The following MTHFD1L variants were observed in gnomAD, a reference collection of about 807,000 sequenced individuals.
The protein encoded by MTHFD1L is methylenetetrahydrofolate dehydrogenase (NADP+ dependent) 1 like.
Under a neutral mutation model 119.5 loss-of-function variants are expected in MTHFD1L, and 81 were observed. The observed-to-expected ratio is 0.68, with a 90% CI of 0.57 to 0.82. The LOEUF is 0.82. Ranked by LOEUF, MTHFD1L falls within the 40% of genes least tolerant of loss-of-function variation. The pLI, the probability that MTHFD1L is intolerant of heterozygous loss-of-function variation, is 0.00. For synonymous variants in MTHFD1L, 430 were observed against 475.2 expected (o/e 0.90, Z 1.24); for missense variants, 1,125 against 1,253.4 (o/e 0.90, Z 1.55).
At chr6:151,063,298 T>C (rs1352768130) in intron 26 of MTHFD1L, among the ~76,000 whole-genome samples, 1 of 152,224 alleles carries the variant, frequency 6.6e-6, no homozygotes, top group East Asian at 1.9e-4. Flanking sequence ...TGGTAGACTG[T>C]AAATTTTAAA....
chr6:151,095,468 A>G (rs1794822391), intron 27 of MTHFD1L, among the ~76,000 whole-genome samples: 1 of 152,224 alleles, frequency 6.6e-6, no homozygotes, highest in Non-Finnish European at 1.5e-5. Flanking sequence ...GAGTTTTCAC[A>G]TGCTCTCCAA....
chr6:150,980,060 T>G (rs1206479216), intron 20 of MTHFD1L, among the ~76,000 whole-genome samples: 1 of 152,232 alleles, frequency 6.6e-6, no homozygotes, highest in Non-Finnish European at 1.5e-5. Context: ...TTACATTATT[T>G]AAAAACACTG....
At chr6:150,871,689 A>G (rs1482787731) in intron 1 of MTHFD1L, among the ~76,000 whole-genome samples, 1 of 150,804 alleles carries the variant, frequency 6.6e-6, no homozygotes, top group Admixed American at 6.6e-5. Flanking sequence ...TTTTTAGTAG[A>G]AACGGGGTTT....
intron 24 of MTHFD1L, among the ~76,000 whole-genome samples, chr6:151,032,348 C>T (rs1360443211): frequency 6.6e-6 from 1 of 152,162 alleles, no homozygotes; most frequent in African/African-American, 2.4e-5. Flanking sequence ...GGAGCCAGTG[C>T]ATCACATGGC....
chr6:151,001,152 G>A (rs1465400342), intron 20 of MTHFD1L, among the ~76,000 whole-genome samples: 1 of 152,136 alleles, frequency 6.6e-6, no homozygotes, highest in Non-Finnish European at 1.5e-5. Context: ...CAGACGTAAT[G>A]GTGAACTCAA....
rs1795585947 is a variant in MTHFD1L, at chr6:150,955,983, G to A, written c.1727-12G>A. ...TATTTGTCGACTGAATGACTAATCT[G>A]TTCTCTTTCAGTATTGGATACAAAT... On this transcript the variant is annotated splice_polypyrimidine_tract_variant and intron_variant, in intron 16 of 27. Transcript: ENST00000367321. 1 of 1,609,402 alleles carries A rather than the reference G, an allele frequency of 6.2e-7. No homozygotes were observed. The highest frequency in any genetic ancestry group is 8.5e-7 in the Non-Finnish European group (1 of 1,175,838).
At position 151,094,166 on chromosome 6, in the gene MTHFD1L, C is replaced by T. The variant is rs560087464; in HGVS notation, c.*31+1579C>T. Among the ~76,000 whole-genome samples, 519 of 152,316 alleles carry T rather than the reference C, an allele frequency of 3.4e-3. 3 individuals are homozygous for T. Among genetic ancestry groups the T allele is most frequent in the African/African-American group, 0.012 (487 of 41,570 alleles). The stretch of plus-strand genomic sequence containing the variant: ...ACACATTCTTTCCCCGCAAGCACCC[C>T]GCCTCCTTCTCCCCACTGACTCCTG... On this transcript the variant is annotated intron_variant, in intron 27 of 27. Coordinates refer to ENST00000367321, the MANE Select transcript of MTHFD1L (RefSeq NM_015440.5).
At chr6:150,949,313 T>G (rs1006882885) in intron 16 of MTHFD1L, among the ~76,000 whole-genome samples, 180 bp downstream of exon 16, 5 of 152,064 alleles carry the variant, frequency 3.3e-5, no homozygotes, top group Admixed American at 1.3e-4. Context: ...TATCCTTGCC[T>G]CCAATTAAAA....
At position 150,940,030 on chromosome 6, in the gene MTHFD1L, A is replaced by G. The variant is rs185282573; in HGVS notation, c.1440+1285A>G. On this transcript the variant is annotated intron_variant, in intron 13 of 27. Transcript: ENST00000367321. ...TCTCTCTTGGTTCCAGGATTTTCCC[A>G]TGCCTGGAACATTCTTCCTTTTCTG... 4.5e-4 allele frequency among the ~76,000 whole-genome samples: 68 copies of G among 152,090 alleles called. No homozygotes were observed. The East Asian group carries it at 0.012, about 28-fold the overall frequency.
chr6:151,024,567 TC>T (rs894824495), intron 24 of MTHFD1L, among the ~76,000 whole-genome samples: 5 of 151,444 alleles, frequency 3.3e-5, no homozygotes, highest in African/African-American at 1.2e-4. Flanking sequence ...GATGGCTCCC[TC>T]CTATAATCTC....
At chr6:150,936,656 G>A in intron 11 of MTHFD1L, 148 bp from the exon 12 acceptor site, 1 of 946,908 alleles carries the variant, frequency 1.1e-6, no homozygotes, top group Non-Finnish European at 1.6e-6. Flanking sequence ...CCTGTGTGAT[G>A]TGAGTAGACC....
intron 20 of MTHFD1L, among the ~76,000 whole-genome samples, chr6:150,982,021 A>C (rs1338837659): frequency 6.6e-6 from 1 of 152,140 alleles, no homozygotes; most frequent in Non-Finnish European, 1.5e-5. Flanking sequence ...CAAAAGTTTA[A>C]GGCTGCAGCA....
chr6:151,073,217 C>T (rs190931663), intron 26 of MTHFD1L, among the ~76,000 whole-genome samples: 6 of 152,126 alleles, frequency 3.9e-5, no homozygotes, highest in South Asian at 2.1e-4. Flanking sequence ...GAGAGCTTTG[C>T]GGATGTACAG....
rs371223244 is a variant in MTHFD1L at position 151,069,738 on chromosome 6, C to T, written c.2848-22729C>T. Among the ~76,000 whole-genome samples the T allele has an allele frequency of 7.2e-5, 11 of 152,188 alleles. No homozygotes were observed. The East Asian group carries it at 1.9e-3, about 27-fold the overall frequency. ...CTCTGGTGACCCTCATCTCAGAGCT[C>T]AGCGGTGCCTTTGGGGCTACTTGCC... On this transcript the variant is annotated intron_variant, in intron 26 of 27. Transcript: ENST00000367321.
chr6:150,938,838 A>T, intron 13 of MTHFD1L, 93 bp downstream of exon 13: 1 of 1,430,632 alleles, frequency 7.0e-7, no homozygotes, highest in Non-Finnish European at 9.6e-7. Context: ...ACAGACCCTC[A>T]TCCATAATCC....
intron 7 of MTHFD1L, among the ~76,000 whole-genome samples, chr6:150,905,036 C>CTTTTTTTTTT (rs36039459): frequency 9.0e-6 from 1 of 111,728 alleles, no homozygotes; most frequent in African/African-American, 3.6e-5. Flanking sequence ...TTGTTTTCCT[C>CTTTTTTTTTT]TTTTTTTTTT....
chr6:150,917,480 ACT>A (rs1788176200), intron 8 of MTHFD1L, among the ~76,000 whole-genome samples: 2 of 151,580 alleles, frequency 1.3e-5, no homozygotes, highest in African/African-American at 4.8e-5. Context: ...ACAGAGAGAG[ACT>A]CTATCTCAAA....
intron 13 of MTHFD1L, among the ~76,000 whole-genome samples, 175 bp from the exon 14 acceptor site, chr6:150,944,311 A>G (rs944189410): frequency 3.3e-5 from 5 of 152,166 alleles, no homozygotes; most frequent in Admixed American, 1.3e-4. Context: ...GCCAGGCACA[A>G]TGGTGTGCAC....
intron 27 of MTHFD1L, chr6:151,099,475 C>A: frequency 4.6e-6 from 5 of 1,098,398 alleles, no homozygotes; most frequent in Non-Finnish European, 6.8e-6. Flanking sequence ...TTGCCCTTCT[C>A]TCTTCCTCGG....
Sources: gnomAD v4.1 joint callset for allele counts (sites outside exome capture counted in the v4.1 genomes callset) on GRCh38, gnomAD v4.1.1 for gene constraint, MANE v1.5 for transcripts, NCBI Gene and HGNC (gene_info 2026-07-23, HGNC 2026-07-21) for gene names.